The following RPS6KC1 variants were observed in gnomAD, a reference collection of about 807,000 sequenced individuals.
The protein encoded by RPS6KC1 is inactive ribosomal protein S6 kinase delta-1.
A neutral mutation model predicts 103.8 loss-of-function variants in RPS6KC1; 54 were observed. The ratio of observed to expected loss-of-function variants is 0.52; its 90% CI spans 0.42 to 0.65. The LOEUF is 0.65. Among genes scored for constraint, RPS6KC1 ranks in the 30% least tolerant of loss-of-function variants. The pLI, the probability that RPS6KC1 is intolerant of heterozygous loss-of-function variation, is 0.00. For synonymous variants in RPS6KC1, 439 were observed against 438.7 expected (o/e 1.00, Z -0.01); for missense variants, 1,151 against 1,253.8 (o/e 0.92, Z 1.24).
the RPS6KC1 span, among the ~76,000 whole-genome samples, chr1:213,438,984 C>T: frequency 4.6e-5 from 7 of 151,988 alleles, no homozygotes; most frequent in Admixed American, 2.0e-4. Flanking sequence ...TTAGTAGAGA[C>T]GGGGTTTCAC....
chr1:213,154,405 C>A (rs1229277508), intron 6 of RPS6KC1, among the ~76,000 whole-genome samples: 1 of 152,210 alleles, frequency 6.6e-6, no homozygotes, highest in African/African-American at 2.4e-5. Context: ...GGACTAGAAT[C>A]AAAAACCTTA....
chr1:213,269,811 A>G (rs1481671042), intron 14 of RPS6KC1, among the ~76,000 whole-genome samples: 2 of 151,990 alleles, frequency 1.3e-5, no homozygotes, highest in Admixed American at 1.3e-4. Context: ...GCTGCTTGGG[A>G]GGCTGAGGTG....
chr1:213,092,278 A>T (rs2081039821), intron 3 of RPS6KC1, among the ~76,000 whole-genome samples: 1 of 152,208 alleles, frequency 6.6e-6, no homozygotes, highest in African/African-American at 2.4e-5. Context: ...GCAGCATTAT[A>T]TTCAGTAGAA....
At chr1:213,085,715 A>G (rs2080332984) in intron 3 of RPS6KC1, among the ~76,000 whole-genome samples, 2 of 152,062 alleles carry the variant, frequency 1.3e-5, no homozygotes. Context: ...AGAGCTGTGT[A>G]TCTGTGTCTG....
At chr1:213,663,684 A>G in the RPS6KC1 span, among the ~76,000 whole-genome samples, 2 of 152,116 alleles carry the variant, frequency 1.3e-5, no homozygotes, top group African/African-American at 4.8e-5. Context: ...TTGCTATTCA[A>G]TATTATCCTT....
intron 8 of RPS6KC1, among the ~76,000 whole-genome samples, chr1:213,213,406 T>C (rs755000871): frequency 3.9e-5 from 6 of 152,202 alleles, no homozygotes; most frequent in Non-Finnish European, 8.8e-5. Flanking sequence ...TTCTGTTGCA[T>C]TGATTGGTTT....
the RPS6KC1 span, among the ~76,000 whole-genome samples, chr1:213,431,487 T>A: frequency 1.3e-5 from 2 of 152,192 alleles, no homozygotes; most frequent in Non-Finnish European, 2.9e-5. Context: ...TAAAGCTAAC[T>A]AATATTCTGG....
At chr1:213,618,042 C>A in the RPS6KC1 span, among the ~76,000 whole-genome samples, 1 of 152,184 alleles carries the variant, frequency 6.6e-6, no homozygotes, top group Non-Finnish European at 1.5e-5. Context: ...TCATTTATGG[C>A]ATTTCATCAA....
At chr1:213,626,810 T>C in the RPS6KC1 span, among the ~76,000 whole-genome samples, 2 of 152,240 alleles carry the variant, frequency 1.3e-5, no homozygotes, top group Non-Finnish European at 2.9e-5. Flanking sequence ...ACCAGTACCA[T>C]GCTGTTTTGG....
chr1:213,518,585 G>A, the RPS6KC1 span, among the ~76,000 whole-genome samples: 3 of 152,108 alleles, frequency 2.0e-5, no homozygotes, highest in African/African-American at 4.8e-5. Flanking sequence ...CTTTAAAGTC[G>A]CTGATGTTAT....
chr1:213,648,377 T>A, the RPS6KC1 span, among the ~76,000 whole-genome samples: 3 of 152,274 alleles, frequency 2.0e-5, no homozygotes, highest in East Asian at 5.8e-4. Flanking sequence ...AACCACAGAA[T>A]CAGACAGTTT....
the RPS6KC1 span, among the ~76,000 whole-genome samples, chr1:213,509,770 G>A: frequency 2.0e-5 from 3 of 152,284 alleles, no homozygotes; most frequent in African/African-American, 7.2e-5. Context: ...AAACTTTAAT[G>A]CTAGCATATG....
the RPS6KC1 span, among the ~76,000 whole-genome samples, chr1:213,313,769 G>A: frequency 1.3e-5 from 2 of 152,030 alleles, no homozygotes; most frequent in Non-Finnish European, 2.9e-5. Context: ...CTGAGACCAC[G>A]GTGAAACCCC....
rs553289454 is a variant in RPS6KC1 at position 213,154,866 on chromosome 1, CACTT to C, written c.836-12990_836-12987del. Among the ~76,000 whole-genome samples the C allele has an allele frequency of 2.9e-3, 436 of 152,328 alleles. 1 individual carries two copies. Among genetic ancestry groups the C allele is most frequent in the Non-Finnish European group, 4.9e-3 (332 of 68,038 alleles). ...CCACAATTGGTAATGTGCTGAGTCT[CACTT>C]AAAGTCTGCAAGTCTCACAGGCTCG... On this transcript the variant is annotated intron_variant, in intron 6 of 14. Coordinates refer to ENST00000366960, the MANE Select transcript of RPS6KC1 (RefSeq NM_012424.6).
the RPS6KC1 span, among the ~76,000 whole-genome samples, chr1:213,581,820 A>G: frequency 6.6e-6 from 1 of 152,038 alleles, no homozygotes; most frequent in African/African-American, 2.4e-5. Context: ...ATGCTTTTTC[A>G]GGCTTCTGTG....
At chr1:213,232,764 A>G (rs2094133777) in intron 10 of RPS6KC1, among the ~76,000 whole-genome samples, 1 of 152,216 alleles carries the variant, frequency 6.6e-6, no homozygotes, top group South Asian at 2.1e-4. Flanking sequence ...TACAAAGCAG[A>G]GGCACAGTTC....
At chr1:213,573,798 A>G in the RPS6KC1 span, among the ~76,000 whole-genome samples, 3 of 152,240 alleles carry the variant, frequency 2.0e-5, no homozygotes, top group African/African-American at 7.2e-5. Flanking sequence ...GCGTCTAAAC[A>G]ATAGATTGTA....
chr1:213,454,666 GGAGGCTTAATA>G, the RPS6KC1 span, among the ~76,000 whole-genome samples: 3 of 152,086 alleles, frequency 2.0e-5, no homozygotes, highest in Non-Finnish European at 4.4e-5. Context: ...CAACTTATAG[GGAGGCTTAATA>G]AAGGCCTTCA....
the RPS6KC1 span, among the ~76,000 whole-genome samples, chr1:213,496,662 GTAGGAGA>G: frequency 6.6e-6 from 1 of 152,154 alleles, no homozygotes; most frequent in East Asian, 1.9e-4. Flanking sequence ...TGAGGCTGAG[GTAGGAGA>G]ATTGCTTGAA....
Sources: gnomAD v4.1 joint callset for allele counts (sites outside exome capture counted in the v4.1 genomes callset) on GRCh38, gnomAD v4.1.1 for gene constraint, MANE v1.5 for transcripts, NCBI Gene and HGNC (gene_info 2026-07-23, HGNC 2026-07-21) for gene names.